CNTNAP2: variants seen among roughly 807,000 people sequenced by gnomAD.
The protein encoded by CNTNAP2 is contactin associated protein 2, also known as contactin-associated protein-like 2.
Under a neutral mutation model 155.2 loss-of-function variants are expected in CNTNAP2, and 98 were observed. The ratio of observed to expected loss-of-function variants is 0.63; its 90% CI spans 0.54 to 0.75. The LOEUF is 0.75. Ranked by LOEUF, CNTNAP2 falls within the 30% of genes least tolerant of loss-of-function variation. The pLI, the probability that CNTNAP2 is intolerant of heterozygous loss-of-function variation, is 0.00. For missense variants in CNTNAP2, 1,727 were observed against 1,688.1 expected (o/e 1.02, Z -0.40); for synonymous variants, 651 against 631.2 (o/e 1.03, Z -0.47).
rs561390592 is a variant in CNTNAP2 at position 147,631,996 on chromosome 7, C to A, written c.1898-7110C>A. ...GATAAATAAATGGGACCTAATTAAA[C>A]TAAAAGCTTCTGCACAGCAAAAGAA... On this transcript the variant is annotated intron_variant, in intron 12 of 23. Transcript: ENST00000361727. Among the ~76,000 whole-genome samples the A allele has an allele frequency of 2.0e-5, 3 of 152,240 alleles. No homozygotes were observed. In the East Asian group the frequency reaches 5.8e-4, roughly 29 times the overall value.
In CNTNAP2 at chr7:148,288,944, CAAAAAAAAAAA is replaced by C. The variant is rs58641348; in HGVS notation, c.3475+21833_3475+21843del. On this transcript the variant is annotated intron_variant, in intron 21 of 23. Coordinates refer to ENST00000361727, the MANE Select transcript of CNTNAP2 (RefSeq NM_014141.6). ...CAACAGATTAAAATATCTTATTCAG[CAAAAAAAAAAA>C]AAAAAAAAAAAAAAGAGAGAAAAAC... Among the ~76,000 whole-genome samples the C allele has an allele frequency of 7.0e-4, 71 of 101,756 alleles. 1 individual carries two copies. The highest frequency in any genetic ancestry group is 2.9e-3 in the Admixed American group (26 of 8,834). The allele number at this position is 101,756 out of a possible 152,430, so 66.8% of individuals were successfully genotyped here.
At chr7:146,918,076 A>T (rs911928630) in intron 3 of CNTNAP2, among the ~76,000 whole-genome samples, 2 of 152,142 alleles carry the variant, frequency 1.3e-5, no homozygotes, top group Non-Finnish European at 2.9e-5. Flanking sequence ...GCAAGTCCAC[A>T]TGTGTCAGGT....
At chr7:146,692,593 T>C (rs561316191) in intron 1 of CNTNAP2, among the ~76,000 whole-genome samples, 7 of 152,262 alleles carry the variant, frequency 4.6e-5, no homozygotes, top group African/African-American at 1.7e-4. Context: ...TTAAAATAGA[T>C]AAAGAGTTTG....
intron 1 of CNTNAP2, among the ~76,000 whole-genome samples, chr7:146,659,276 G>A (rs1419818664): frequency 6.6e-6 from 1 of 152,132 alleles, no homozygotes; most frequent in African/African-American, 2.4e-5. Context: ...GATATATAGA[G>A]ATAACCAATT....
chr7:148,107,691 G>T (rs141478422), intron 15 of CNTNAP2, among the ~76,000 whole-genome samples: 1 of 152,192 alleles, frequency 6.6e-6, no homozygotes, highest in African/African-American at 2.4e-5. Flanking sequence ...AAGCCATCTG[G>T]TTGATTGTTG....
At chr7:147,840,033 G>C (rs888149307) in intron 13 of CNTNAP2, among the ~76,000 whole-genome samples, 24 of 152,002 alleles carry the variant, frequency 1.6e-4, no homozygotes, top group Admixed American at 4.6e-4. Flanking sequence ...AATGGAATTG[G>C]AGGTCATTAT....
intron 21 of CNTNAP2, among the ~76,000 whole-genome samples, chr7:148,351,867 T>C (rs1455703418): frequency 6.6e-6 from 1 of 152,076 alleles, no homozygotes; most frequent in Non-Finnish European, 1.5e-5. Flanking sequence ...CTGCAATATT[T>C]TGGGACCCAG....
chr7:147,835,360 C>T (rs1209067679), intron 13 of CNTNAP2, among the ~76,000 whole-genome samples: 1 of 152,122 alleles, frequency 6.6e-6, no homozygotes, highest in Non-Finnish European at 1.5e-5. Flanking sequence ...AGTGTCACTC[C>T]TCGTTTTAAG....
intron 15 of CNTNAP2, among the ~76,000 whole-genome samples, chr7:148,100,352 T>G (rs77226319): frequency 0.1 from 15,272 of 152,208 alleles, 2,061 homozygotes; most frequent in African/African-American, 0.31. Context: ...ATTAAAGCTG[T>G]GTGTGAAGGC....
At chr7:146,610,080 T>C (rs1445086584) in intron 1 of CNTNAP2, among the ~76,000 whole-genome samples, 2 of 152,160 alleles carry the variant, frequency 1.3e-5, no homozygotes, top group Admixed American at 6.5e-5. Flanking sequence ...CCAATTAAAA[T>C]ACAATCTTCA....
intron 11 of CNTNAP2, among the ~76,000 whole-genome samples, chr7:147,502,197 A>T (rs910823577): frequency 6.6e-6 from 1 of 152,206 alleles, no homozygotes; most frequent in Non-Finnish European, 1.5e-5. Flanking sequence ...TTCCAATCAG[A>T]TGTTTTATAG....
chr7:146,250,002 G>A (rs802518), intron 1 of CNTNAP2, among the ~76,000 whole-genome samples: 23,836 of 151,976 alleles, frequency 0.16, 4,288 homozygotes, highest in African/African-American at 0.45. Flanking sequence ...ATTCCTGCCC[G>A]TCTTTTTCTC....
intron 1 of CNTNAP2, among the ~76,000 whole-genome samples, chr7:146,172,322 G>A (rs1356180797): frequency 6.6e-6 from 1 of 151,858 alleles, no homozygotes; most frequent in Admixed American, 6.6e-5. Context: ...GTGGGTGGAG[G>A]CCAGGGATAC....
intron 3 of CNTNAP2, among the ~76,000 whole-genome samples, chr7:146,952,742 A>G (rs550093999): frequency 2.2e-4 from 33 of 152,240 alleles, no homozygotes; most frequent in African/African-American, 7.9e-4. Flanking sequence ...GACCTCTTTA[A>G]GGAGAACTAC....
chr7:146,839,908 A>G lies in CNTNAP2; in HGVS notation c.402+4A>G, dbSNP rs1410081579. 4.3e-6 allele frequency: 7 copies of G among 1,614,004 alleles called. No individual in the cohort carries two copies. Among genetic ancestry groups the G allele is most frequent in the South Asian group, 1.1e-5 (1 of 91,060 alleles). On this transcript the variant is annotated splice_donor_region_variant and intron_variant, in intron 3 of 23. Coordinates refer to ENST00000361727, the MANE Select transcript of CNTNAP2 (RefSeq NM_014141.6). ...TCATCAAGATGGGAATATCTGGGTA[A>G]GTCATTGGCAGGAAAGCAAAGACAC...
At chr7:146,497,517 G>A (rs1797236301) in intron 1 of CNTNAP2, among the ~76,000 whole-genome samples, 1 of 151,850 alleles carries the variant, frequency 6.6e-6, no homozygotes, top group South Asian at 2.1e-4. Flanking sequence ...AGGCTTCTTA[G>A]TTCCTGAGTC....
At position 148,395,285 on chromosome 7, in the gene CNTNAP2, CTCTT is replaced by C. The variant is rs909700075; in HGVS notation, c.3715+11398_3715+11401del. ...TTCTAATTTGAATGTTTGGCTCTCT[CTCTT>C]ATTTTCCTTCTTGGTGGGGTGTGTG... On this transcript the variant is annotated intron_variant, in intron 22 of 23. Transcript: ENST00000361727. Among the ~76,000 whole-genome samples the C allele has an allele frequency of 1.7e-4, 25 of 151,294 alleles. 1 individual carries two copies. Among genetic ancestry groups the C allele is most frequent in the African/African-American group, 5.6e-4 (23 of 41,140 alleles).
chr7:147,231,962 T>A (rs895634634), intron 8 of CNTNAP2, among the ~76,000 whole-genome samples: 2 of 152,232 alleles, frequency 1.3e-5, no homozygotes, highest in African/African-American at 2.4e-5. Context: ...GTCCTGCTTG[T>A]TTATTTGCGC....
At chr7:146,327,294 A>G (rs989520036) in intron 1 of CNTNAP2, among the ~76,000 whole-genome samples, 2 of 152,230 alleles carry the variant, frequency 1.3e-5, no homozygotes, top group African/African-American at 2.4e-5. Context: ...AATATGCTAT[A>G]TAACTGTTTG....
Sources: allele counts gnomAD v4.1 joint callset (sites outside exome capture counted in the v4.1 genomes callset), GRCh38; gene constraint gnomAD v4.1.1; transcripts MANE v1.5; gene names NCBI Gene and HGNC (gene_info 2026-07-23, HGNC 2026-07-21).